LRMDA: variants seen among roughly 807,000 people sequenced by gnomAD.
The protein encoded by LRMDA is leucine-rich melanocyte differentiation-associated protein.
Under a neutral mutation model 29.8 loss-of-function variants are expected in LRMDA, and 18 were observed. The ratio of observed to expected loss-of-function variants is 0.60; its 90% CI spans 0.42 to 0.90. The LOEUF is 0.90. Among genes scored for constraint, LRMDA ranks in the 40% least tolerant of loss-of-function variants. The probability of loss-of-function intolerance (pLI) is 0.00; values close to 1 mark genes in which losing one functional copy is unlikely to be tolerated. For synonymous variants in LRMDA, 125 were observed against 109.4 expected, an observed-to-expected ratio of 1.14 and a Z score of -0.89; for missense variants, 273 against 273.9, an observed-to-expected ratio of 1.00 and a Z score of 0.02.
At chr10:76,006,748 C>T (rs1286676808) in intron 2 of LRMDA, among the ~76,000 whole-genome samples, 1 of 151,960 alleles carries the variant, frequency 6.6e-6, no homozygotes. Flanking sequence ...ATTAGCAGCC[C>T]TTAAAAAAAG....
At chr10:75,659,592 A>G (rs1358272430) in intron 2 of LRMDA, among the ~76,000 whole-genome samples, 1 of 152,192 alleles carries the variant, frequency 6.6e-6, no homozygotes, top group African/African-American at 2.4e-5. Flanking sequence ...TAAAAGAGTC[A>G]AACTCCCAGA....
At chr10:76,141,043 G>A (rs556160006) in intron 5 of LRMDA, among the ~76,000 whole-genome samples, 74 of 152,120 alleles carry the variant, frequency 4.9e-4, no homozygotes, top group African/African-American at 1.7e-3. Context: ...TGAACCATCT[G>A]GTCCTTCTTT....
intron 2 of LRMDA, among the ~76,000 whole-genome samples, chr10:75,944,061 C>T (rs757138622): frequency 1.3e-5 from 2 of 152,132 alleles, no homozygotes; most frequent in Non-Finnish European, 2.9e-5. Context: ...TTCTTTCCAG[C>T]CTGAATAATT....
intron 2 of LRMDA, among the ~76,000 whole-genome samples, chr10:75,884,245 TTGTGTGTGTGTGTGTGTG>T (rs57507869): frequency 8.2e-5 from 9 of 109,570 alleles, no homozygotes; most frequent in African/African-American, 1.8e-4. Context: ...GCAGGCGACT[TTGTGTGTGTGTGTGTGTG>T]TGTGTGTGTG....
rs938278632 is a variant in LRMDA at position 75,682,121 on chromosome 10, C to A, written c.131+243627C>A. Among the ~76,000 whole-genome samples, 4 of 152,212 alleles carry A rather than the reference C, an allele frequency of 2.6e-5. 1 individual carries two copies. In the Middle Eastern group the frequency reaches 0.014, roughly 518 times the overall value. On this transcript the variant is annotated intron_variant, in intron 2 of 6. Coordinates refer to ENST00000611255, the MANE Select transcript of LRMDA (RefSeq NM_001305581.2). ...GAATCTGCCAGGTGAGATGCAAGAC[C>A]TAGGTTGAAATTAAACCTAGGATTA...
At chr10:75,802,506 T>G (rs1041742604) in intron 2 of LRMDA, among the ~76,000 whole-genome samples, 4 of 152,212 alleles carry the variant, frequency 2.6e-5, no homozygotes, top group Non-Finnish European at 5.9e-5. Context: ...CATTAATGAT[T>G]AGCTAATTAT....
chr10:75,517,766 C>A (rs61033173), intron 2 of LRMDA, among the ~76,000 whole-genome samples: 5,965 of 152,212 alleles, frequency 0.039, 383 homozygotes, highest in African/African-American at 0.14. Context: ...AGAGGGCATC[C>A]TTGTCTTGTG....
chr10:75,739,982 T>C (rs566458978), intron 2 of LRMDA, among the ~76,000 whole-genome samples: 13 of 152,212 alleles, frequency 8.5e-5, no homozygotes, highest in Non-Finnish European at 1.8e-4. Flanking sequence ...TGTCACTGTT[T>C]GTTGAAACAT....
At chr10:75,474,798 G>A (rs900856104) in intron 2 of LRMDA, among the ~76,000 whole-genome samples, 8 of 152,214 alleles carry the variant, frequency 5.3e-5, no homozygotes, top group African/African-American at 1.9e-4. Context: ...GCATGTGAGT[G>A]TGTGACACAG....
At chr10:75,707,353 C>A (rs1842382033) in intron 2 of LRMDA, among the ~76,000 whole-genome samples, 1 of 152,198 alleles carries the variant, frequency 6.6e-6, no homozygotes, top group South Asian at 2.1e-4. Flanking sequence ...AAGAACCATC[C>A]AGGGCCCTTG....
At chr10:75,910,710 G>A (rs1444599920) in intron 2 of LRMDA, among the ~76,000 whole-genome samples, 1 of 152,176 alleles carries the variant, frequency 6.6e-6, no homozygotes, top group African/African-American at 2.4e-5. Flanking sequence ...TTCTGTGTGT[G>A]ATTCCTGTGC....
At chr10:76,106,926 T>G (rs1849495527) in intron 5 of LRMDA, among the ~76,000 whole-genome samples, 1 of 152,206 alleles carries the variant, frequency 6.6e-6, no homozygotes, top group Non-Finnish European at 1.5e-5. Flanking sequence ...GAGAGAGTCC[T>G]CAGAGGCAGG....
chr10:76,264,430 A>C (rs937096531), intron 5 of LRMDA, among the ~76,000 whole-genome samples: 2 of 67,502 alleles, frequency 3.0e-5, no homozygotes, highest in African/African-American at 1.5e-4. Context: ...AAAAAAAAAA[A>C]AAAAAAAAAA....
intron 6 of LRMDA, among the ~76,000 whole-genome samples, chr10:76,488,814 A>T (rs1250246557): frequency 6.6e-6 from 1 of 151,936 alleles, no homozygotes; most frequent in Non-Finnish European, 1.5e-5. Context: ...GTGTATGTTG[A>T]ACCATCCTTG....
Position 75,431,682 on chromosome 10 carries a change from G to GC in LRMDA, c.-38dup. The GC allele has an allele frequency of 7.9e-7, 1 of 1,266,324 alleles. No individual in the cohort carries two copies. The highest frequency in any genetic ancestry group is 9.9e-7 in the Non-Finnish European group (1 of 1,012,716). 78.4% of individuals were successfully genotyped at this position (1,266,324 alleles called of 1,614,324 possible). On this transcript the variant is annotated 5_prime_UTR_variant, in exon 1 of 7. Coordinates refer to ENST00000611255, the MANE Select transcript of LRMDA (RefSeq NM_001305581.2). ...CCGCGCTCCCCGCTGCTGCCGCCGC[G>GC]CCCCCGCGCTCCGTCCCGCGCGCCC...
intron 5 of LRMDA, among the ~76,000 whole-genome samples, chr10:76,321,899 C>T (rs897196787): frequency 2.6e-5 from 4 of 152,136 alleles, no homozygotes; most frequent in South Asian, 2.1e-4. Context: ...GAGTTGAGAT[C>T]GTGCCACTGT....
At chr10:76,476,292 A>C (rs2132321819) in intron 6 of LRMDA, among the ~76,000 whole-genome samples, 1 of 152,326 alleles carries the variant, frequency 6.6e-6, no homozygotes, top group Middle Eastern at 3.4e-3. Flanking sequence ...ATAAACTAGA[A>C]AATCTAGAAG....
intron 6 of LRMDA, among the ~76,000 whole-genome samples, chr10:76,554,166 G>A (rs1843526839): frequency 6.6e-6 from 1 of 152,164 alleles, no homozygotes; most frequent in Non-Finnish European, 1.5e-5. Context: ...TGTTCTGCAG[G>A]GGCAGGCAGA....
intron 2 of LRMDA, among the ~76,000 whole-genome samples, chr10:75,776,660 T>C (rs1223033640): frequency 6.6e-6 from 1 of 152,240 alleles, no homozygotes; most frequent in Admixed American, 6.5e-5. Flanking sequence ...TTGCATGCTG[T>C]ACATTTTACC....
Sources: gnomAD v4.1 joint callset for allele counts (sites outside exome capture counted in the v4.1 genomes callset) on GRCh38, gnomAD v4.1.1 for gene constraint, MANE v1.5 for transcripts, NCBI Gene and HGNC (gene_info 2026-07-23, HGNC 2026-07-21) for gene names.